Variants in ATP2A2 observed in about 807,000 individuals in gnomAD.
ATP2A2 encodes the protein sarcoplasmic/endoplasmic reticulum calcium ATPase 2.
A neutral mutation model predicts 109.3 loss-of-function variants in ATP2A2; 14 were observed. The observed-to-expected ratio is 0.13, with a 90% CI of 0.08 to 0.20. The LOEUF is 0.20. Ranked by LOEUF, ATP2A2 falls within the 10% of genes least tolerant of loss-of-function variation. The pLI is 1.00. For missense variants in ATP2A2, 657 were observed against 1,321.6 expected (o/e 0.50, Z 7.80); for synonymous variants, 506 against 490.9 (o/e 1.03, Z -0.41).
chr12:110,292,990 C>T (rs193264680), intron 4 of ATP2A2, among the ~76,000 whole-genome samples: 99 of 152,310 alleles, frequency 6.5e-4, no homozygotes, highest in African/African-American at 1.9e-3. Context: ...TCAGTGCTTA[C>T]TACAGACTCT....
intron 5 of ATP2A2, among the ~76,000 whole-genome samples, chr12:110,319,808 T>G (rs1425386043): frequency 2.6e-5 from 4 of 151,950 alleles, no homozygotes; most frequent in Admixed American, 1.3e-4. Flanking sequence ...ATATGTATAT[T>G]TAGTATTGGT....
intron 11 of ATP2A2, among the ~76,000 whole-genome samples, chr12:110,337,515 C>G (rs937665625): frequency 3.9e-5 from 6 of 152,350 alleles, no homozygotes; most frequent in Admixed American, 6.5e-5. Flanking sequence ...CACTCATACC[C>G]ATTCCTTTGC....
intron 5 of ATP2A2, among the ~76,000 whole-genome samples, chr12:110,317,491 A>G (rs1310125207): frequency 6.6e-6 from 1 of 151,964 alleles, no homozygotes; most frequent in African/African-American, 2.4e-5. Context: ...GCTCACTGCA[A>G]CCTCAGCCTC....
chr12:110,334,234 CTAA>C (rs1878617244), intron 11 of ATP2A2, 91 bp downstream of exon 11: 1 of 1,460,896 alleles, frequency 6.8e-7, no homozygotes, highest in Non-Finnish European at 9.5e-7. Flanking sequence ...TCTTAGAAAA[CTAA>C]TTATACCTTA....
chr12:110,333,306 A>G, intron 10 of ATP2A2, 23 bp downstream of exon 10: 1 of 1,577,240 alleles, frequency 6.3e-7, no homozygotes, highest in Non-Finnish European at 8.7e-7. Flanking sequence ...ATAAATTAGA[A>G]GGAATGGCTG....
At chr12:110,310,457 T>G (rs1312613828) in intron 5 of ATP2A2, among the ~76,000 whole-genome samples, 1 of 152,234 alleles carries the variant, frequency 6.6e-6, no homozygotes, top group Non-Finnish European at 1.5e-5. Flanking sequence ...TTGGGGCTTC[T>G]AGTATATGCC....
At chr12:110,326,220 C>T (rs775426963) in intron 6 of ATP2A2, 170 bp from the exon 7 acceptor site, 10 of 645,296 alleles carry the variant, frequency 1.5e-5, no homozygotes, top group South Asian at 8.5e-5. Context: ...TATTAATTTC[C>T]ATTACTAAGT....
At chr12:110,320,280 T>C (rs1325798011) in intron 5 of ATP2A2, among the ~76,000 whole-genome samples, 1 of 152,166 alleles carries the variant, frequency 6.6e-6, no homozygotes, top group African/African-American at 2.4e-5. Context: ...ATATATTGAA[T>C]TGTTTAAGTC....
At chr12:110,344,286 C>CT (rs750915048) in intron 16 of ATP2A2, among the ~76,000 whole-genome samples, 2 of 152,158 alleles carry the variant, frequency 1.3e-5, no homozygotes, top group Admixed American at 1.3e-4. Flanking sequence ...CGTCTGAACT[C>CT]TGTGTATTCT....
intron 11 of ATP2A2, among the ~76,000 whole-genome samples, chr12:110,334,837 C>T (rs1438346767): frequency 1.3e-5 from 2 of 152,292 alleles, no homozygotes; most frequent in East Asian, 3.9e-4. Flanking sequence ...ATCCGCCCAC[C>T]TCGGCCTCCC....
At chr12:110,301,041 TA>T (rs1480288257) in intron 5 of ATP2A2, among the ~76,000 whole-genome samples, 1 of 151,990 alleles carries the variant, frequency 6.6e-6, no homozygotes, top group East Asian at 1.9e-4. Context: ...TTAATTTTTT[TA>T]AAAAAATAGA....
Position 110,289,615 on chromosome 12 carries a change from A to G in ATP2A2, c.220-2405A>G, listed in dbSNP as rs565148020. ...ATATTTCTTATTCATGCCGTCTTCTAATGAGTCATTTGGATTCATTATTGC... is the reference window on the plus strand; with the variant it reads ...ATATTTCTTATTCATGCCGTCTTCTGATGAGTCATTTGGATTCATTATTGC... On this transcript the variant is annotated intron_variant, in intron 3 of 19. Coordinates refer to ENST00000539276, the MANE Select transcript of ATP2A2 (RefSeq NM_170665.4). Among the ~76,000 whole-genome samples the G allele has an allele frequency of 2.0e-5, 3 of 152,208 alleles. No homozygotes were observed. In the East Asian group the frequency reaches 5.8e-4, roughly 29 times the overall value.
intron 16 of ATP2A2, among the ~76,000 whole-genome samples, chr12:110,344,260 A>G (rs914378406): frequency 1.3e-5 from 2 of 152,082 alleles, no homozygotes; most frequent in Admixed American, 1.3e-4. Flanking sequence ...ATGCTACCAC[A>G]TGGGGATATT....
chr12:110,323,924 T>G (rs1419611218), intron 6 of ATP2A2, among the ~76,000 whole-genome samples: 4 of 152,228 alleles, frequency 2.6e-5, no homozygotes, highest in African/African-American at 9.6e-5. Context: ...GTGCTGTAAT[T>G]TTTTTCACTG....
chr12:110,286,080 C>T (rs977627415), intron 3 of ATP2A2, among the ~76,000 whole-genome samples: 2 of 152,036 alleles, frequency 1.3e-5, no homozygotes, highest in Non-Finnish European at 2.9e-5. Context: ...TCCACCACCA[C>T]GCCCGGCTAA....
intron 4 of ATP2A2, among the ~76,000 whole-genome samples, chr12:110,292,333 C>T (rs182844257): frequency 6.6e-6 from 1 of 152,002 alleles, no homozygotes. Flanking sequence ...ATGGTGTTGT[C>T]TCGGCTCACT....
At position 110,350,177 on chromosome 12, in the gene ATP2A2, C is replaced by CAAACCTTGAA. The variant is rs1206340575; in HGVS notation, c.*3709_*3710insACCTTGAAAA. ...GCTGGTCTTGAAACCTTGAAAAGAT[C>CAAACCTTGAA]AAGCTGAATGTTCCTTTTCATCTGT... On this transcript the variant is annotated 3_prime_UTR_variant, in exon 20 of 20. Coordinates refer to ENST00000539276, the MANE Select transcript of ATP2A2 (RefSeq NM_170665.4). 8 of 1,602,062 alleles carry CAAACCTTGAA rather than the reference C, an allele frequency of 5.0e-6. No individual in the cohort carries two copies. In the African/African-American group the frequency reaches 9.4e-5, roughly 19 times the overall value.
In ATP2A2 at chr12:110,348,150, C is replaced by G. The variant is rs1880058707; in HGVS notation, c.*1680C>G. On this transcript the variant is annotated 3_prime_UTR_variant, in exon 20 of 20. Coordinates refer to ENST00000539276, the MANE Select transcript of ATP2A2 (RefSeq NM_170665.4). The stretch of plus-strand genomic sequence containing the variant: ...GGGTTCGCAGCTGCCAGGAGTCATC[C>G]CAGAACATTGCTACTTATTTATTAA... 4.1e-6 allele frequency: 4 copies of G among 985,320 alleles called. No individual in the cohort carries two copies. In the South Asian group the frequency reaches 1.9e-4, roughly 46 times the overall value. The allele number at this position is 985,320 out of a possible 1,614,324, so 61.0% of individuals were successfully genotyped here. A position where few individuals can be genotyped will look rare whatever the true frequency, so the allele number is the denominator to read the frequency against.
chr12:110,315,823 C>T (rs1876604511), intron 5 of ATP2A2, among the ~76,000 whole-genome samples: 1 of 152,178 alleles, frequency 6.6e-6, no homozygotes, highest in Non-Finnish European at 1.5e-5. Context: ...CGCCTGTAGT[C>T]CCAGGTATTT....
Sources: gnomAD v4.1 joint callset for allele counts (sites outside exome capture counted in the v4.1 genomes callset) on GRCh38, gnomAD v4.1.1 for gene constraint, MANE v1.5 for transcripts, NCBI Gene and HGNC (gene_info 2026-07-23, HGNC 2026-07-21) for gene names.